TNPO3: variants seen among roughly 807,000 people sequenced by gnomAD.
TNPO3 encodes transportin-3.
A neutral mutation model predicts 122.8 loss-of-function variants in TNPO3; 65 were observed. The observed-to-expected ratio is 0.53, with a 90% confidence interval of 0.43 to 0.65. The LOEUF is 0.65. Ranked by LOEUF, TNPO3 falls within the 30% of genes least tolerant of loss-of-function variation. TNPO3 has a pLI of 0.00. For missense variants in TNPO3, 850 were observed against 1,136.7 expected, an observed-to-expected ratio of 0.75 and a Z score of 3.63; for synonymous variants, 372 against 411.2, an observed-to-expected ratio of 0.90 and a Z score of 1.15.
Position 129,015,041 on chromosome 7 carries a change from T to C in TNPO3, c.490A>G (p.Asn164Asp). ...VHSRSLRIGANRRTEIIEDLA... is the reference protein window; with the variant it reads ...VHSRSLRIGADRRTEIIEDLA... ...TCTTCTATAATTTCTGTGCGCCGAT[T>C]AGCTCCAATTCGTAAGGAACGACTA... The change falls in exon 4 of 23, where the codon AAT becomes GAT. Residue 164 changes from asparagine to aspartate, a missense_variant. By Grantham distance (23) the Asn-to-Asp change is conservative. Coordinates refer to ENST00000265388, the MANE Select transcript of TNPO3 (RefSeq NM_012470.4). 1 of 1,613,178 alleles carries C rather than the reference T, an allele frequency of 6.2e-7. No individual in the cohort carries two copies.
intron 1 of TNPO3, chr7:129,029,098 C>A (rs1584583308): frequency 1.6e-5 from 4 of 255,050 alleles, no homozygotes; most frequent in South Asian, 1.4e-4. Flanking sequence ...TTTATGCAGT[C>A]AATTATAATG....
chr7:129,040,279 C>T (rs1463232195), intron 1 of TNPO3, among the ~76,000 whole-genome samples: 1 of 151,074 alleles, frequency 6.6e-6, no homozygotes. Context: ...AAGAAAATGT[C>T]CAAAACTTGA....
chr7:129,053,108 T>C (rs968570789), intron 1 of TNPO3, among the ~76,000 whole-genome samples: 2 of 152,100 alleles, frequency 1.3e-5, no homozygotes, highest in African/African-American at 4.8e-5. Flanking sequence ...GCGGATCACC[T>C]GAGGTCGGAG....
upstream of TNPO3, chr7:129,056,123 T>C (rs967054241): frequency 9.5e-7 from 1 of 1,052,292 alleles, no homozygotes; most frequent in African/African-American, 1.6e-5. Context: ...CCACTGTGCC[T>C]GCCGACACCA....
In TNPO3 at chr7:128,954,643, A is replaced by G. The variant is rs1028502766; in HGVS notation, c.*774T>C. 2 of 146,014 alleles carry G rather than the reference A, an allele frequency of 1.4e-5. No homozygotes were observed. Among genetic ancestry groups the G allele is most frequent in the Non-Finnish European group, 3.0e-5 (2 of 67,368 alleles). 9.0% of individuals were successfully genotyped at this position (146,014 alleles called of 1,614,324 possible). A position where few individuals can be genotyped will look rare whatever the true frequency, so the allele number is the denominator to read the frequency against. On this transcript the variant is annotated 3_prime_UTR_variant, in exon 23 of 23. Transcript: ENST00000265388. The stretch of plus-strand genomic sequence containing the variant: ...GAATGAACGGGGTCAGGGTTCAGAT[A>G]TCCATAAATTCTGACCCTGGCAGGT...
intron 4 of TNPO3, among the ~76,000 whole-genome samples, chr7:129,005,484 G>A (rs1197030843): frequency 6.6e-6 from 1 of 152,122 alleles, no homozygotes; most frequent in East Asian, 1.9e-4. Context: ...AATCCCCAGT[G>A]TTAGAGGAGG....
intron 4 of TNPO3, among the ~76,000 whole-genome samples, chr7:129,012,435 T>A (rs1803326382): frequency 6.6e-6 from 1 of 152,220 alleles, no homozygotes; most frequent in Non-Finnish European, 1.5e-5. Flanking sequence ...ACAGGTTAAG[T>A]ATCCCTAATC....
At chr7:129,028,704 G>A (rs1346315501) in intron 1 of TNPO3, among the ~76,000 whole-genome samples, 2 of 152,208 alleles carry the variant, frequency 1.3e-5, no homozygotes, top group African/African-American at 2.4e-5. Context: ...CTCTGGCTCA[G>A]ACAGCAGCAT....
chr7:128,990,113 G>A lies in TNPO3; in HGVS notation c.1359-13C>T, dbSNP rs201899490. 164 of 1,614,020 alleles carry A rather than the reference G, an allele frequency of 1.0e-4. No individual in the cohort carries two copies. Among genetic ancestry groups the A allele is most frequent in the Admixed American group, 2.5e-4 (15 of 60,020 alleles). ...TGGATTGTTTTCCCTGAGTACAGGC[G>A]GTAAGTACTCACAGTTACTGATTTC... On this transcript the variant is annotated splice_polypyrimidine_tract_variant and intron_variant, in intron 10 of 22. Transcript: ENST00000265388.
chr7:128,997,268 G>T, intron 8 of TNPO3, 121 bp downstream of exon 8: 2 of 1,057,776 alleles, frequency 1.9e-6, no homozygotes, highest in Non-Finnish European at 1.4e-6. Context: ...CAAAGTGCTG[G>T]ACTACAGGCA....
chr7:129,009,919 T>A (rs1244488566), intron 4 of TNPO3, among the ~76,000 whole-genome samples: 1 of 152,074 alleles, frequency 6.6e-6, no homozygotes, highest in African/African-American at 2.4e-5. Context: ...GTTAGGAAAC[T>A]GACTGGTAAA....
intron 7 of TNPO3, among the ~76,000 whole-genome samples, chr7:128,999,891 G>A (rs1163126481): frequency 6.6e-6 from 1 of 152,144 alleles, no homozygotes; most frequent in Non-Finnish European, 1.5e-5. Flanking sequence ...GGGATTACAG[G>A]TGTGAGCCAC....
chr7:129,040,852 A>C (rs1037956874), intron 1 of TNPO3, among the ~76,000 whole-genome samples: 1 of 152,204 alleles, frequency 6.6e-6, no homozygotes, highest in Admixed American at 6.5e-5. Context: ...TGTCTTACCC[A>C]CTGGTCAAAT....
At chr7:128,957,988 A>G (rs1797061926) in intron 21 of TNPO3, among the ~76,000 whole-genome samples, 1 of 152,172 alleles carries the variant, frequency 6.6e-6, no homozygotes, top group Non-Finnish European at 1.5e-5. Flanking sequence ...TGTTTTTTCA[A>G]AAGCCCCCCG....
chr7:128,985,482 G>T (rs1800047703), intron 12 of TNPO3, among the ~76,000 whole-genome samples: 1 of 152,166 alleles, frequency 6.6e-6, no homozygotes, highest in African/African-American at 2.4e-5. Flanking sequence ...TGTAGTCCTT[G>T]CCACTTGGGA....
chr7:128,981,541 A>T (rs985549032), intron 14 of TNPO3, among the ~76,000 whole-genome samples: 1 of 152,188 alleles, frequency 6.6e-6, no homozygotes, highest in Non-Finnish European at 1.5e-5. Context: ...CCTGGGAATT[A>T]TCAGAAATGC....
At position 128,970,307 on chromosome 7, in the gene TNPO3, T is replaced by G. The variant is rs754643690; in HGVS notation, c.2439A>C (p.Glu813Asp). 1 of 1,596,240 alleles carries G rather than the reference T, an allele frequency of 6.3e-7. No homozygotes were observed. The highest frequency in any genetic ancestry group is 1.7e-5 in the Admixed American group (1 of 57,312). Reference protein sequence around the residue: ...IHTGVANDHEEDFELRKELIG... With the variant: ...IHTGVANDHEDDFELRKELIG... The stretch of plus-strand genomic sequence containing the variant: ...TCAGTTCTTTCCGTAATTCAAAGTC[T>G]TCTTCATGCTGTATGTAGGAAAGCA... The change falls in exon 20 of 23, where the codon GAA (glutamate) becomes GAC (aspartate). Residue 813 changes from glutamate to aspartate, a missense_variant. Transcript: ENST00000265388.
At chr7:129,053,494 C>CAAA (rs752196402) in intron 1 of TNPO3, among the ~76,000 whole-genome samples, 1 of 59,482 alleles carries the variant, frequency 1.7e-5, no homozygotes, top group Non-Finnish European at 3.9e-5. Flanking sequence ...GACTCTGTCT[C>CAAA]AAAAAAAAAA....
chr7:128,968,554 A>AT (rs34117517), intron 20 of TNPO3, among the ~76,000 whole-genome samples: 1 of 151,924 alleles, frequency 6.6e-6, no homozygotes, highest in Non-Finnish European at 1.5e-5. Context: ...TTTATACCTA[A>AT]TTTTTTTTAC....
Sources: allele counts gnomAD v4.1 joint callset (sites outside exome capture counted in the v4.1 genomes callset), GRCh38; gene constraint gnomAD v4.1.1; transcripts MANE v1.5; gene names NCBI Gene and HGNC (gene_info 2026-07-23, HGNC 2026-07-21).